ABLIM1: variants seen among roughly 807,000 people sequenced by gnomAD.
ABLIM1 encodes the protein actin binding LIM protein 1, also known as actin-binding LIM protein 1.
Under a neutral mutation model 107.0 loss-of-function variants are expected in ABLIM1, and 40 were observed. The observed-to-expected ratio is 0.37, with a 90% CI of 0.29 to 0.49. ABLIM1 has a LOEUF of 0.49. Ranked by LOEUF, ABLIM1 falls within the 20% of genes least tolerant of loss-of-function variation. ABLIM1 has a pLI of 0.97. For missense variants in ABLIM1, 857 were observed against 1,008.5 expected, an observed-to-expected ratio of 0.85 and a Z score of 2.04; for synonymous variants, 357 against 357.3, an observed-to-expected ratio of 1.00 and a Z score of 0.01.
chr10:114,730,950 G>A (rs995015099), intron 1 of ABLIM1, among the ~76,000 whole-genome samples: 14 of 152,092 alleles, frequency 9.2e-5, no homozygotes, highest in African/African-American at 2.9e-4. Flanking sequence ...CACTTAGTGT[G>A]TTTTCAAGGT....
chr10:114,651,755 G>A (rs555878482), intron 1 of ABLIM1, among the ~76,000 whole-genome samples: 5 of 152,230 alleles, frequency 3.3e-5, no homozygotes, highest in African/African-American at 1.2e-4. Context: ...CTCCATTCAT[G>A]CCCTTGCAAG....
At chr10:114,644,307 ATATAT>A (rs1207428764) in intron 1 of ABLIM1, among the ~76,000 whole-genome samples, 15 of 33,508 alleles carry the variant, frequency 4.5e-4, no homozygotes, top group Admixed American at 1.0e-3. Flanking sequence ...AAAAAAAAAA[ATATAT>A]ATATATATAT....
chr10:114,780,260 G>T, the ABLIM1 span, among the ~76,000 whole-genome samples: 4 of 152,172 alleles, frequency 2.6e-5, no homozygotes, highest in African/African-American at 9.7e-5. Flanking sequence ...GCAAGAGGAA[G>T]GTGAAACTTT....
At position 114,762,073 on chromosome 10, in the gene ABLIM1, G is replaced by A. The variant is rs144589356; in HGVS notation, c.-213+5988C>T. 3.1e-4 allele frequency among the ~76,000 whole-genome samples: 46 copies of A among 148,922 alleles called. No individual in the cohort carries two copies. In the East Asian group the frequency reaches 5.2e-3, roughly 17 times the overall value. On this transcript the variant is annotated intron_variant, in intron 1 of 15. Transcript: ENST00000651092. ...TTTTGAGATGGAGTCTCACTTTGTCGCCCAGGCTGGAGGGCAGTGGCGCAT... is the reference window on the plus strand; with the variant it reads ...TTTTGAGATGGAGTCTCACTTTGTCACCCAGGCTGGAGGGCAGTGGCGCAT...
At chr10:114,775,524 G>C in the ABLIM1 span, among the ~76,000 whole-genome samples, 1 of 152,130 alleles carries the variant, frequency 6.6e-6, no homozygotes, top group African/African-American at 2.4e-5. Context: ...ACCATAGATA[G>C]ACCAGGAAGA....
intron 4 of ABLIM1, among the ~76,000 whole-genome samples, chr10:114,569,613 T>C (rs2071350071): frequency 6.6e-6 from 1 of 152,184 alleles, no homozygotes; most frequent in African/African-American, 2.4e-5. Flanking sequence ...TTTTCTTAAC[T>C]GGACAAGAAT....
At position 114,444,105 on chromosome 10, in the gene ABLIM1, C is replaced by A. The variant is rs780610190; in HGVS notation, c.1857G>T (p.Leu619Phe). The change falls in exon 17 of 23, where the codon TTG becomes TTT. Residue 619 changes from leucine to phenylalanine, a missense_variant. Around this residue, in one of 5 missense-constraint regions of ABLIM1, gnomAD observed 193 missense variants for 208.5 expected, o/e 0.93. Transcript: ENST00000533213. Reference protein sequence around the residue: ...KLNSGLGQLILKEEMEKESRE... With the variant: ...KLNSGLGQLIFKEEMEKESRE... ...GGCTCTCTTTCTCCATCTCTTCTTTCAAGATCAACTGTCCCAGGCCTGAGT... is the reference window on the plus strand; with the variant it reads ...GGCTCTCTTTCTCCATCTCTTCTTTAAAGATCAACTGTCCCAGGCCTGAGT... The A allele has an allele frequency of 6.2e-7, 1 of 1,605,446 alleles. No homozygotes were observed. Among genetic ancestry groups the A allele is most frequent in the Non-Finnish European group, 8.5e-7 (1 of 1,176,790 alleles).
At chr10:114,539,022 T>C (rs184454756) in intron 6 of ABLIM1, among the ~76,000 whole-genome samples, 2 of 152,360 alleles carry the variant, frequency 1.3e-5, no homozygotes, top group Admixed American at 6.5e-5. Flanking sequence ...TGCTTTTTTT[T>C]CCAAACACTT....
intron 22 of ABLIM1, 65 bp downstream of exon 22, chr10:114,437,778 TA>T (rs1182346897): frequency 1.5e-6 from 2 of 1,332,128 alleles, no homozygotes; most frequent in Non-Finnish European, 2.1e-6. Context: ...AAACATTGCT[TA>T]GGGGAGAGTT....
intron 16 of ABLIM1, 113 bp downstream of exon 16, chr10:114,445,199 G>A (rs1205146557): frequency 3.2e-6 from 3 of 935,614 alleles, no homozygotes; most frequent in Non-Finnish European, 5.1e-6. Flanking sequence ...GCCCCTTGAA[G>A]ACTGGGACCA....
chr10:114,632,123 C>G (rs1189224684), intron 1 of ABLIM1: 1 of 985,348 alleles, frequency 1.0e-6, no homozygotes, highest in South Asian at 4.7e-5. Context: ...CTATCGCCCC[C>G]GCGCTCTTCT....
chr10:114,701,512 C>T (rs1243974640), intron 1 of ABLIM1, among the ~76,000 whole-genome samples: 1 of 152,002 alleles, frequency 6.6e-6, no homozygotes, highest in Admixed American at 6.6e-5. Flanking sequence ...CTATAAACAA[C>T]AAGAATGTCC....
At chr10:114,678,991 T>C (rs2141525175) in intron 1 of ABLIM1, among the ~76,000 whole-genome samples, 1 of 152,286 alleles carries the variant, frequency 6.6e-6, no homozygotes, top group South Asian at 2.1e-4. Context: ...CCCTTTGCCA[T>C]GTAACTTTGA....
chr10:114,486,719 T>C lies in ABLIM1; in HGVS notation c.1041+1239A>G, dbSNP rs73353712. ...TATTCAGAGAAAAAGTGTTTTTTTT[T>C]CCCCCTCAACTTAAGTATGTTCACA... On this transcript the variant is annotated intron_variant, in intron 8 of 22. Coordinates refer to ENST00000533213, the MANE Select transcript of ABLIM1 (RefSeq NM_002313.7). Among the ~76,000 whole-genome samples, 1,399 of 149,818 alleles carry C rather than the reference T, an allele frequency of 9.3e-3. 22 individuals carry two copies. Among genetic ancestry groups the C allele is most frequent in the African/African-American group, 0.033 (1,354 of 41,212 alleles).
intron 1 of ABLIM1, among the ~76,000 whole-genome samples, chr10:114,704,271 G>GCTCTCTCGCTCTCT (rs2081363028): frequency 4.9e-5 from 2 of 40,972 alleles, no homozygotes; most frequent in African/African-American, 1.5e-4. Flanking sequence ...TCTCTCTCTC[G>GCTCTCTCGCTCTCT]CTCTCTCTCT....
At chr10:114,504,787 T>C (rs997543680) in intron 6 of ABLIM1, among the ~76,000 whole-genome samples, 1 of 152,206 alleles carries the variant, frequency 6.6e-6, no homozygotes, top group African/African-American at 2.4e-5. Context: ...TATGCCCCAA[T>C]GCTATGTACT....
rs1011452810 is a variant in ABLIM1 at position 114,636,982 on chromosome 10, G to A, written c.244+20975C>T. 4.8e-5 allele frequency among the ~76,000 whole-genome samples: 7 copies of A among 145,824 alleles called. No homozygotes were observed. The East Asian group carries it at 8.2e-4, about 17-fold the overall frequency. ...CAGGAGGCAGAGGTTGCAGTGAGCCGAAATTTCACCACTGCACTCCAGCCG... is the reference window on the plus strand; with the variant it reads ...CAGGAGGCAGAGGTTGCAGTGAGCCAAAATTTCACCACTGCACTCCAGCCG... On this transcript the variant is annotated intron_variant, in intron 1 of 22. Transcript: ENST00000533213.
chr10:114,588,167 T>C (rs1315525571), intron 2 of ABLIM1, among the ~76,000 whole-genome samples: 1 of 152,164 alleles, frequency 6.6e-6, no homozygotes, highest in East Asian at 1.9e-4. Flanking sequence ...AACTTTGAAC[T>C]TCTGGGTGCA....
chr10:114,720,622 G>A (rs779894334), intron 1 of ABLIM1, among the ~76,000 whole-genome samples: 4 of 152,042 alleles, frequency 2.6e-5, no homozygotes, highest in Non-Finnish European at 2.9e-5. Context: ...TCTTTGGGAA[G>A]GAATGACTTC....
Sources: gnomAD v4.1 joint callset for allele counts (sites outside exome capture counted in the v4.1 genomes callset) on GRCh38, gnomAD v4.1.1 for gene constraint, gnomAD v4.1.1 regional missense constraint, MANE v1.5 for transcripts, NCBI Gene and HGNC (gene_info 2026-07-23, HGNC 2026-07-21) for gene names.